Variants in ATP11A observed in about 807,000 individuals in gnomAD.
ATP11A encodes the protein phospholipid-transporting ATPase IH.
In ATP11A, 81 loss-of-function variants were observed where a neutral mutation model predicts 154.4. The observed-to-expected ratio is 0.52, with a 90% CI of 0.44 to 0.63. The LOEUF (loss-of-function observed/expected upper bound fraction) is 0.63, where lower values mean the gene tolerates loss of function less well. ATP11A is among the 30% of genes least tolerant of loss of function. The pLI, the probability that ATP11A is intolerant of heterozygous loss-of-function variation, is 0.00. For missense variants in ATP11A, 1,316 were observed against 1,474.3 expected (o/e 0.89, Z 1.76); for synonymous variants, 623 against 585.9 (o/e 1.06, Z -0.91).
chr13:112,841,155 G>T (rs1232800695), intron 16 of ATP11A, among the ~76,000 whole-genome samples: 1 of 150,602 alleles, frequency 6.6e-6, no homozygotes, highest in Non-Finnish European at 1.5e-5. Context: ...TGCAGAGGGA[G>T]CTCTGTGTGT....
At chr13:112,805,123 C>T in intron 3 of ATP11A, 77 bp downstream of exon 3, 1 of 1,070,762 alleles carries the variant, frequency 9.3e-7, no homozygotes, top group Non-Finnish European at 1.4e-6. Flanking sequence ...GTAACTGCCA[C>T]ACGGCTAATG....
chr13:112,832,004 GCA>G (rs1222098375), intron 13 of ATP11A, among the ~76,000 whole-genome samples: 2 of 150,258 alleles, frequency 1.3e-5, no homozygotes, highest in Admixed American at 6.6e-5. Flanking sequence ...AGACACACAT[GCA>G]CACACGCTCA....
intron 1 of ATP11A, among the ~76,000 whole-genome samples, chr13:112,724,196 G>A (rs1346436205): frequency 7.0e-6 from 1 of 143,030 alleles, no homozygotes; most frequent in Non-Finnish European, 1.5e-5. Context: ...GCCCCCATCG[G>A]CACCATCGCC....
At chr13:112,776,293 C>T (rs1950196680) in intron 1 of ATP11A, among the ~76,000 whole-genome samples, 2 of 152,198 alleles carry the variant, frequency 1.3e-5, no homozygotes, top group African/African-American at 2.4e-5. Context: ...CCCAGACCCT[C>T]CTTCCATCCC....
intron 2 of ATP11A, among the ~76,000 whole-genome samples, chr13:112,802,219 G>A (rs113759222): frequency 0.017 from 2,562 of 152,118 alleles, 69 homozygotes; most frequent in African/African-American, 0.057. Flanking sequence ...GGTGGTGGGC[G>A]CCTGTAGTCC....
At position 112,882,273 on chromosome 13, in the gene ATP11A, A is replaced by G; in HGVS notation, c.*407A>G. On this transcript the variant is annotated 3_prime_UTR_variant, in exon 30 of 30. Coordinates refer to ENST00000375645, the MANE Select transcript of ATP11A (RefSeq NM_015205.3). The surrounding 1 kb of genome is among the most constrained non-coding windows in gnomAD (Gnocchi z 5.1). ...TGGCCCACCCTGCGCGCTGTCATGC[A>G]GAGGCCATTCCCCCAGGCCTGTGTC... The G allele has an allele frequency of 2.0e-6, 1 of 498,172 alleles. No homozygotes were observed. The highest frequency in any genetic ancestry group is 3.3e-6 in the Non-Finnish European group (1 of 307,460). The allele number at this position is 498,172 out of a possible 1,614,324, so 30.9% of individuals were successfully genotyped here.
At chr13:112,776,667 C>T (rs970663578) in intron 1 of ATP11A, among the ~76,000 whole-genome samples, 1 of 152,188 alleles carries the variant, frequency 6.6e-6, no homozygotes, top group Non-Finnish European at 1.5e-5. Flanking sequence ...ACTGTCCTGG[C>T]TCACTGCAAC....
chr13:112,747,032 C>T (rs1043954241), intron 1 of ATP11A: 15 of 151,420 alleles, frequency 9.9e-5, no homozygotes, highest in South Asian at 2.1e-4. Context: ...GACGTGTGGC[C>T]GGGGTGAAAA....
At chr13:112,817,384 T>TGA (rs2078674750) in intron 6 of ATP11A, among the ~76,000 whole-genome samples, 6 of 152,212 alleles carry the variant, frequency 3.9e-5, no homozygotes, top group Admixed American at 3.9e-4. Context: ...TATGGATCTT[T>TGA]TTCAGTTAAA....
chr13:112,764,001 A>C (rs1194184518), intron 1 of ATP11A, among the ~76,000 whole-genome samples: 1 of 152,200 alleles, frequency 6.6e-6, no homozygotes, highest in Non-Finnish European at 1.5e-5. Flanking sequence ...AAACCCCTAA[A>C]TTGATTGAGA....
intron 1 of ATP11A, among the ~76,000 whole-genome samples, chr13:112,709,778 C>T (rs1408624037): frequency 2.6e-5 from 4 of 152,268 alleles, no homozygotes; most frequent in African/African-American, 7.2e-5. Context: ...GCCCGACCAC[C>T]TTGGACACAT....
intron 18 of ATP11A, among the ~76,000 whole-genome samples, chr13:112,852,387 C>G (rs748191517): frequency 6.6e-6 from 1 of 152,144 alleles, no homozygotes; most frequent in Non-Finnish European, 1.5e-5. Flanking sequence ...GAGTATTAGG[C>G]GAAGTGGGAA....
At chr13:112,819,861 G>A (rs1440668008) in intron 7 of ATP11A, 39 bp from the exon 8 acceptor site, 1 of 1,613,140 alleles carries the variant, frequency 6.2e-7, no homozygotes. Context: ...GGGGGCCGCT[G>A]GGCGCGTCCG....
chr13:112,794,657 C>G (rs2077950037), intron 2 of ATP11A, among the ~76,000 whole-genome samples: 1 of 152,118 alleles, frequency 6.6e-6, no homozygotes, highest in South Asian at 2.1e-4. Context: ...ATCACGAGGT[C>G]AGGAGTTCTA....
intron 1 of ATP11A, among the ~76,000 whole-genome samples, chr13:112,774,271 C>T (rs548816935): frequency 2.3e-4 from 35 of 152,182 alleles, no homozygotes; most frequent in African/African-American, 7.7e-4. Context: ...TCCCAGGTTT[C>T]GTAAGTCATC....
chr13:112,836,036 C>A, intron 15 of ATP11A, 142 bp from the exon 16 acceptor site: 1 of 545,148 alleles, frequency 1.8e-6, no homozygotes, highest in East Asian at 2.9e-5. Flanking sequence ...GAGGACACCC[C>A]TCACCCAGCA....
chr13:112,707,615 A>G (rs1887293355), intron 1 of ATP11A, among the ~76,000 whole-genome samples: 1 of 152,142 alleles, frequency 6.6e-6, no homozygotes, highest in African/African-American at 2.4e-5. Flanking sequence ...TTTGACGCAA[A>G]TTAAAAAGGT....
chr13:112,786,745 G>T (rs1328740915), intron 2 of ATP11A, among the ~76,000 whole-genome samples: 2 of 152,394 alleles, frequency 1.3e-5, no homozygotes, highest in Middle Eastern at 3.4e-3. Flanking sequence ...GCGTGGACGG[G>T]CTGCACATGG....
chr13:112,724,250 G>T (rs1320706588), intron 1 of ATP11A, among the ~76,000 whole-genome samples: 1 of 151,214 alleles, frequency 6.6e-6, no homozygotes, highest in Admixed American at 6.6e-5. Flanking sequence ...GACCCCACAG[G>T]TTATGGGCTC....
Sources: allele counts gnomAD v4.1 joint callset (sites outside exome capture counted in the v4.1 genomes callset), GRCh38; gene constraint gnomAD v4.1.1; non-coding constraint Gnocchi (gnomAD v3.1); transcripts MANE v1.5; gene names NCBI Gene and HGNC (gene_info 2026-07-23, HGNC 2026-07-21).